The following OR51B5 variants were observed in gnomAD, a reference collection of about 807,000 sequenced individuals.
The protein encoded by OR51B5 is olfactory receptor 51B5.
For missense variants in OR51B5, 456 were observed against 374.6 expected (o/e 1.22, Z -1.79); for synonymous variants, 186 against 144.8 (o/e 1.28, Z -2.04).
At chr11:5,467,958 T>G (rs1310120962) in intron 1 of OR51B5, among the ~76,000 whole-genome samples, 1 of 152,198 alleles carries the variant, frequency 6.6e-6, no homozygotes, top group Non-Finnish European at 1.5e-5. Flanking sequence ...GAATTCCATG[T>G]GTTGTATGGT....
At chr11:5,441,416 G>C in intron 1 of OR51B5, 1 of 1,613,966 alleles carries the variant, frequency 6.2e-7, no homozygotes, top group Non-Finnish European at 8.5e-7. Flanking sequence ...AGAGGATGCA[G>C]AAAATCAGGG....
intron 1 of OR51B5, among the ~76,000 whole-genome samples, chr11:5,487,259 T>C (rs1262920834): frequency 6.6e-6 from 1 of 152,182 alleles, no homozygotes; most frequent in Non-Finnish European, 1.5e-5. Context: ...GTTGTTAAAA[T>C]ATAAATATCT....
intron 1 of OR51B5, among the ~76,000 whole-genome samples, chr11:5,356,154 G>A (rs1196039585): frequency 6.6e-6 from 1 of 152,194 alleles, no homozygotes; most frequent in Non-Finnish European, 1.5e-5. Flanking sequence ...GAGAGAAGAA[G>A]GCTTCAGACG....
At chr11:5,383,687 G>A (rs1268565698) in intron 1 of OR51B5, 1 of 152,212 alleles carries the variant, frequency 6.6e-6, no homozygotes, top group East Asian at 1.9e-4. Flanking sequence ...AGCTTCAGGA[G>A]ACAGGGGTGG....
rs760886040 is a variant in OR51B5 at position 5,468,447 on chromosome 11, C to A, written n.84+37122G>T. ...TGGTACACCCAAACATCAGCAACAA[C>A]AAAGAAACTCTAAGCCTTTCCAGGA... On this transcript the variant is annotated intron_variant and non_coding_transcript_variant, in intron 1 of 4. Coordinates refer to the OR51B5 transcript ENST00000415970. The A allele has an allele frequency of 8.6e-5, 28 of 327,218 alleles. 1 individual carries two copies. The highest frequency in any genetic ancestry group is 5.7e-4 in the Middle Eastern group (1 of 1,744). 20.3% of individuals were successfully genotyped at this position (327,218 alleles called of 1,614,324 possible).
intron 1 of OR51B5, among the ~76,000 whole-genome samples, chr11:5,415,155 C>T: frequency 6.6e-6 from 1 of 152,080 alleles, no homozygotes; most frequent in Non-Finnish European, 1.5e-5. Context: ...GGAAACTGAA[C>T]AACCTGCTCC....
Position 5,411,756 on chromosome 11 carries a change from T to C in OR51B5, n.85-64846A>G, listed in dbSNP as rs1158650715. On this transcript the variant is annotated intron_variant and non_coding_transcript_variant, in intron 1 of 4. Coordinates refer to the OR51B5 transcript ENST00000415970. ...CAAGTGAGCCCAACATAATCACTAG[T>C]GTCCTTTGAAGGGAAATGTCCTAAG... Among the ~76,000 whole-genome samples the C allele has an allele frequency of 2.0e-5, 3 of 152,316 alleles. 1 individual carries two copies. The highest frequency in any genetic ancestry group is 2.0e-4 in the Admixed American group (3 of 15,302).
At chr11:5,403,564 G>A in intron 1 of OR51B5, 1 of 461,502 alleles carries the variant, frequency 2.2e-6, no homozygotes, top group Non-Finnish European at 4.6e-6. Context: ...ACCATAGTAG[G>A]AAGAAATGTT....
In OR51B5 at chr11:5,350,590, T is replaced by A. The variant is rs7939841; in HGVS notation, n.85-3680A>T. 6.3e-3 allele frequency among the ~76,000 whole-genome samples: 952 copies of A among 150,580 alleles called. 7 individuals carry two copies. Among genetic ancestry groups the A allele is most frequent in the African/African-American group, 0.021 (854 of 41,100 alleles). Reference sequence around the variant, plus strand: ...CAAATCCCATCAGATTCCATAGTTTTAAAAAAAAAATTCTCCTTGATCTTG... The same window carrying A: ...CAAATCCCATCAGATTCCATAGTTTAAAAAAAAAAATTCTCCTTGATCTTG... On this transcript the variant is annotated intron_variant and non_coding_transcript_variant, in intron 1 of 4. Transcript: ENST00000415970.
intron 1 of OR51B5, among the ~76,000 whole-genome samples, chr11:5,466,267 T>C (rs906607343): frequency 2.0e-5 from 3 of 152,216 alleles, no homozygotes; most frequent in Non-Finnish European, 2.9e-5. Context: ...ATTAGGGAAT[T>C]AGGCAATACT....
At chr11:5,357,909 T>C (rs1182196367) in intron 1 of OR51B5, among the ~76,000 whole-genome samples, 3 of 151,876 alleles carry the variant, frequency 2.0e-5, no homozygotes, top group African/African-American at 4.8e-5. Context: ...CATAACAAAA[T>C]GAAGGCAGAA....
chr11:5,473,134 C>G (rs1851253348), intron 1 of OR51B5, among the ~76,000 whole-genome samples: 1 of 152,200 alleles, frequency 6.6e-6, no homozygotes, highest in South Asian at 2.1e-4. Context: ...TCCTACACAT[C>G]TTGGCATATT....
At chr11:5,476,522 T>C (rs1336108321) in intron 1 of OR51B5, among the ~76,000 whole-genome samples, 1 of 152,160 alleles carries the variant, frequency 6.6e-6, no homozygotes, top group African/African-American at 2.4e-5. Flanking sequence ...GATGAAAGAA[T>C]GAGCCTCCTT....
chr11:5,372,402 C>A (rs1338817090), intron 1 of OR51B5, among the ~76,000 whole-genome samples: 2 of 152,128 alleles, frequency 1.3e-5, no homozygotes, highest in Non-Finnish European at 2.9e-5. Context: ...CACAAGAGTT[C>A]TCCTTTCTCC....
chr11:5,357,873 A>G (rs1849219361), intron 1 of OR51B5, among the ~76,000 whole-genome samples: 1 of 151,868 alleles, frequency 6.6e-6, no homozygotes, highest in Admixed American at 6.6e-5. Flanking sequence ...AAACCGAACA[A>G]ATTGCTCCTG....
intron 1 of OR51B5, among the ~76,000 whole-genome samples, chr11:5,435,572 T>TTTTATAA (rs373913855): frequency 1.3e-5 from 2 of 151,204 alleles, no homozygotes; most frequent in Admixed American, 6.6e-5. Context: ...GCTTAATAAA[T>TTTTATAA]ATTTTAACTG....
chr11:5,364,248 T>C (rs1589955434), intron 1 of OR51B5, among the ~76,000 whole-genome samples: 1 of 152,186 alleles, frequency 6.6e-6, no homozygotes, highest in Non-Finnish European at 1.5e-5. Context: ...AAGTTTGACA[T>C]AGTTAGATGA....
chr11:5,442,465 A>G (rs1163300304), intron 1 of OR51B5, among the ~76,000 whole-genome samples: 2 of 152,196 alleles, frequency 1.3e-5, no homozygotes, highest in East Asian at 3.9e-4. Context: ...TCCAGTGGAT[A>G]TTCATTCTCT....
intron 1 of OR51B5, among the ~76,000 whole-genome samples, chr11:5,484,060 C>T (rs1221377959): frequency 6.6e-6 from 1 of 152,162 alleles, no homozygotes; most frequent in Non-Finnish European, 1.5e-5. Flanking sequence ...CAGTTTCACC[C>T]TCATACACAC....
Sources: gnomAD v4.1 joint callset for allele counts (sites outside exome capture counted in the v4.1 genomes callset) on GRCh38, gnomAD v4.1.1 for gene constraint, MANE v1.5 for transcripts, NCBI Gene and HGNC (gene_info 2026-07-23, HGNC 2026-07-21) for gene names.